SENP6: variants seen among roughly 807,000 people sequenced by gnomAD.
SENP6 encodes SUMO specific peptidase 6, also known as sentrin-specific protease 6.
SENP6 carries 41 observed loss-of-function variants against 134.5 expected under a neutral mutation model. The observed-to-expected ratio is 0.30, with a 90% CI of 0.24 to 0.40. The LOEUF is 0.40. Among genes scored for constraint, SENP6 ranks in the 10% least tolerant of loss-of-function variants. The pLI is 1.00. For synonymous variants in SENP6, 395 were observed against 429.8 expected (o/e 0.92, Z 1.00); for missense variants, 1,248 against 1,312.5 (o/e 0.95, Z 0.76).
At chr6:75,662,683 CAT>C (rs1463501786) in intron 8 of SENP6, among the ~76,000 whole-genome samples, 1 of 152,092 alleles carries the variant, frequency 6.6e-6, no homozygotes, top group East Asian at 1.9e-4. Flanking sequence ...TGATGGAAGG[CAT>C]ATGGTAATAG....
chr6:75,709,569 C>G lies in SENP6; in HGVS notation c.2759C>G (p.Pro920Arg). Residue 920 changes from proline (P) to arginine (R), a missense_variant, in exon 20 of 24, where the codon CCT (proline) becomes CGT (arginine). Transcript: ENST00000447266. The part of the protein sequence containing the change: ...KIRLNYSDES[P>R]EAGKMLEDEL... The stretch of plus-strand genomic sequence containing the variant: ...AGACTAAACTATAGCGATGAATCAC[C>G]TGAAGCTGGTAAAATGCTTGAAGAT... The G allele has an allele frequency of 6.2e-7, 1 of 1,613,974 alleles. No homozygotes were observed.
At chr6:75,686,302 A>G (rs931337808) in intron 16 of SENP6, among the ~76,000 whole-genome samples, 6 of 151,938 alleles carry the variant, frequency 3.9e-5, no homozygotes, top group Admixed American at 1.3e-4. Context: ...TGCATGTGAG[A>G]TGGGTTTCCT....
chr6:75,682,688 G>A (rs1773548497), intron 16 of SENP6, among the ~76,000 whole-genome samples: 1 of 152,106 alleles, frequency 6.6e-6, no homozygotes, highest in Admixed American at 6.5e-5. Flanking sequence ...AGTTTGCTGA[G>A]AATGATAGTT....
chr6:75,616,000 A>C (rs967461512), intron 1 of SENP6, among the ~76,000 whole-genome samples: 1 of 152,024 alleles, frequency 6.6e-6, no homozygotes, highest in Non-Finnish European at 1.5e-5. Context: ...CATCCACCGA[A>C]TGTTTATCTT....
At chr6:75,650,443 G>C (rs982042912) in intron 7 of SENP6, among the ~76,000 whole-genome samples, 3 of 152,114 alleles carry the variant, frequency 2.0e-5, no homozygotes, top group African/African-American at 7.2e-5. Context: ...GGTGGGTCTT[G>C]CTGGCATCAG....
intron 5 of SENP6, among the ~76,000 whole-genome samples, chr6:75,638,610 ATATATATATATATTTTTT>A (rs1238030563): frequency 1.4e-4 from 7 of 48,858 alleles, no homozygotes; most frequent in East Asian, 1.1e-3. Flanking sequence ...ATATATATAT[ATATATATATATATTTTTT>A]TTTTTTTTTT....
intron 8 of SENP6, among the ~76,000 whole-genome samples, chr6:75,661,637 T>C (rs1771781345): frequency 6.6e-6 from 1 of 152,260 alleles, no homozygotes. Context: ...TTCTTCTTAG[T>C]GGAGATAAAG....
chr6:75,644,910 C>G (rs1040093640), intron 6 of SENP6, among the ~76,000 whole-genome samples: 3 of 152,186 alleles, frequency 2.0e-5, no homozygotes, highest in African/African-American at 7.2e-5. Flanking sequence ...TCTGAATTGT[C>G]TTCGTAACTT....
chr6:75,640,795 G>T, intron 6 of SENP6, 91 bp downstream of exon 6: 2 of 737,234 alleles, frequency 2.7e-6, no homozygotes, highest in Non-Finnish European at 2.1e-6. Flanking sequence ...TTGAATTAGA[G>T]TTTATAATTA....
At chr6:75,658,985 AAAAAAAAAAAAAAAAG>A (rs1471823720) in intron 7 of SENP6, among the ~76,000 whole-genome samples, 3 of 149,522 alleles carry the variant, frequency 2.0e-5, no homozygotes, top group Non-Finnish European at 1.5e-5. Context: ...AAAAAAAAAA[AAAAAAAAAAAAAAAAG>A]GGGAATTGTG....
At chr6:75,638,616 ATATATATTTTTTTTTTT>A (rs1361476107) in intron 5 of SENP6, among the ~76,000 whole-genome samples, 43 of 35,762 alleles carry the variant, frequency 1.2e-3, no homozygotes, top group South Asian at 5.6e-3. Context: ...ATATATATAT[ATATATATTTTTTTTTTT>A]TTTTTTTTTT....
In SENP6 at chr6:75,677,164, G is replaced by A; in HGVS notation, c.1756G>A (p.Glu586Lys). The A allele has an allele frequency of 6.2e-7, 1 of 1,612,638 alleles. No individual in the cohort carries two copies. The highest frequency in any genetic ancestry group is 8.5e-7 in the Non-Finnish European group (1 of 1,179,192). Residue 586 changes from glutamate (E) to lysine (K), a missense_variant, in exon 14 of 24, where the codon GAA becomes AAA. By Grantham distance (56) the Glu-to-Lys change is moderately conservative. This residue lies in a region of SENP6 where 733 missense variants were observed against 725.4 expected (regional missense o/e 1.01). Coordinates refer to ENST00000447266, the MANE Select transcript of SENP6 (RefSeq NM_015571.4). ...ISNFFAKIPF[E>K]EANGRLVACT... is the part of the protein sequence containing the mutation. ...CAATTTTTTTGCGAAAATTCCCTTT[G>A]AAGAAGCTAATGGCAGACTTGTTGC...
chr6:75,621,538 C>G lies in SENP6; in HGVS notation c.59C>G (p.Ala20Gly). 6.2e-7 allele frequency: 1 copy of G among 1,603,658 alleles called. No individual in the cohort carries two copies. The highest frequency in any genetic ancestry group is 1.1e-5 in the South Asian group (1 of 90,028). ...AGEITFLEALARSESKRDGGF... is the reference protein window; with the variant it reads ...AGEITFLEALGRSESKRDGGF... Reference sequence around the variant, plus strand: ...CAGTTTGTTTTTATTTCAGCTTTGGCTAGATCAGAGTCTAAGAGAGATGGA... The same window carrying G: ...CAGTTTGTTTTTATTTCAGCTTTGGGTAGATCAGAGTCTAAGAGAGATGGA... The change falls in exon 2 of 24, where the codon GCT becomes GGT. Residue 20 changes from alanine (A) to glycine (G), a missense_variant. By Grantham distance (60) the Ala-to-Gly change is moderately conservative. This residue lies in a region of SENP6 where 733 missense variants were observed against 725.4 expected (regional missense o/e 1.01). Coordinates refer to ENST00000447266, the MANE Select transcript of SENP6 (RefSeq NM_015571.4).
At chr6:75,686,962 G>A (rs974591114) in intron 16 of SENP6, among the ~76,000 whole-genome samples, 1 of 152,192 alleles carries the variant, frequency 6.6e-6, no homozygotes, top group African/African-American at 2.4e-5. Context: ...GGCTGGGGAA[G>A]TTCTCCTGGG....
At chr6:75,702,366 C>T (rs1446539727) in intron 18 of SENP6, among the ~76,000 whole-genome samples, 1 of 151,860 alleles carries the variant, frequency 6.6e-6, no homozygotes, top group Non-Finnish European at 1.5e-5. Context: ...TACGGGTGCA[C>T]ACCACTGCGC....
intron 16 of SENP6, among the ~76,000 whole-genome samples, chr6:75,686,862 C>A (rs1327440193): frequency 1.3e-5 from 2 of 152,194 alleles, no homozygotes; most frequent in African/African-American, 4.8e-5. Context: ...GGGAATCTGA[C>A]AATTATGTGG....
chr6:75,644,894 G>A (rs944322704), intron 6 of SENP6, among the ~76,000 whole-genome samples: 2 of 152,142 alleles, frequency 1.3e-5, no homozygotes, highest in African/African-American at 2.4e-5. Context: ...AGAGATATAA[G>A]GGTATTCTGA....
chr6:75,633,770 A>C (rs749793803), intron 4 of SENP6, 44 bp downstream of exon 4: 4 of 1,531,212 alleles, frequency 2.6e-6, no homozygotes, highest in South Asian at 1.3e-5. Flanking sequence ...AGATAAAGGA[A>C]GAGTTTGACA....
Position 75,633,566 on chromosome 6 carries a change from G to T in SENP6, c.208-15G>T, listed in dbSNP as rs373018161. On this transcript the variant is annotated splice_polypyrimidine_tract_variant and intron_variant, in intron 3 of 23. Transcript: ENST00000447266. Reference sequence around the variant, plus strand: ...ATAGCATTTTTGACTCATATTTCTGGATCTTTTTTTACAGTTAAATCGTCG... The same window carrying T: ...ATAGCATTTTTGACTCATATTTCTGTATCTTTTTTTACAGTTAAATCGTCG... The T allele has an allele frequency of 1.9e-6, 3 of 1,575,578 alleles. No individual in the cohort carries two copies. The highest frequency in any genetic ancestry group is 3.9e-5 in the Admixed American group (2 of 50,876).
Sources: allele counts gnomAD v4.1 joint callset (sites outside exome capture counted in the v4.1 genomes callset), GRCh38; gene constraint gnomAD v4.1.1; regional missense constraint gnomAD v4.1.1; transcripts MANE v1.5; gene names NCBI Gene and HGNC (gene_info 2026-07-23, HGNC 2026-07-21).